The following RALGAPA2 variants were observed in gnomAD, a reference collection of about 807,000 sequenced individuals.
RALGAPA2 encodes the protein Ral GTPase activating protein catalytic subunit alpha 2.
A neutral mutation model predicts 230.4 loss-of-function variants in RALGAPA2; 139 were observed. The observed-to-expected ratio is 0.60, with a 90% CI of 0.53 to 0.69. The LOEUF (loss-of-function observed/expected upper bound fraction) is 0.69, where lower values mean the gene tolerates loss of function less well. Ranked by LOEUF, RALGAPA2 falls within the 30% of genes least tolerant of loss-of-function variation. The pLI is 0.00. For synonymous variants in RALGAPA2, 847 were observed against 837.8 expected, an observed-to-expected ratio of 1.01 and a Z score of -0.19; for missense variants, 2,163 against 2,276.0, an observed-to-expected ratio of 0.95 and a Z score of 1.01.
At chr20:20,513,607 C>A (rs545391782) in intron 31 of RALGAPA2, among the ~76,000 whole-genome samples, 1 of 152,254 alleles carries the variant, frequency 6.6e-6, no homozygotes, top group South Asian at 2.1e-4. Context: ...GAAACAGTCT[C>A]TCTCTGTAAT....
At position 20,511,673 on chromosome 20, in the gene RALGAPA2, A is replaced by G. The variant is rs537492395; in HGVS notation, c.4857-348T>C. On this transcript the variant is annotated intron_variant, in intron 32 of 39. Coordinates refer to ENST00000202677, the MANE Select transcript of RALGAPA2 (RefSeq NM_020343.4). ...AAACTCCACTCCACTATCAGGGTCCAGCTCAAATCCTCCCCTTTCCACAAA... is the reference window on the plus strand; with the variant it reads ...AAACTCCACTCCACTATCAGGGTCCGGCTCAAATCCTCCCCTTTCCACAAA... Among the ~76,000 whole-genome samples the G allele has an allele frequency of 3.9e-5, 6 of 152,290 alleles. No individual in the cohort carries two copies. In the South Asian group the frequency reaches 8.3e-4, roughly 21 times the overall value.
At chr20:20,456,721 G>C (rs1602418916) in intron 37 of RALGAPA2, among the ~76,000 whole-genome samples, 1 of 152,250 alleles carries the variant, frequency 6.6e-6, no homozygotes, top group Admixed American at 6.5e-5. Context: ...GGTGCCAGAT[G>C]TAAGAGACCC....
In RALGAPA2 at chr20:20,560,013, A is replaced by C. The variant is rs550536526; in HGVS notation, c.3156+11445T>G. ...GATCATTTGAAATTCTCAAGTGCTA[A>C]CTGGGTTGAAGGTACCATGTTAGTT... On this transcript the variant is annotated intron_variant, in intron 23 of 39. Transcript: ENST00000202677. Among the ~76,000 whole-genome samples the C allele has an allele frequency of 1.7e-3, 261 of 152,338 alleles. 1 individual carries two copies. The highest frequency in any genetic ancestry group is 6.0e-3 in the African/African-American group (251 of 41,578).
intron 37 of RALGAPA2, among the ~76,000 whole-genome samples, chr20:20,458,650 C>T (rs1332594812): frequency 7.4e-4 from 100 of 135,740 alleles, no homozygotes; most frequent in East Asian, 2.1e-4. Flanking sequence ...GAGCAAGGGG[C>T]TGGCAGTAGA....
At chr20:20,467,931 G>A (rs1233589064) in intron 37 of RALGAPA2, among the ~76,000 whole-genome samples, 1 of 151,976 alleles carries the variant, frequency 6.6e-6, no homozygotes, top group Non-Finnish European at 1.5e-5. Context: ...CCCACCCAGG[G>A]GAATATGCTA....
Position 20,521,000 on chromosome 20 carries a change from A to C in RALGAPA2, c.4001T>G (p.Leu1334Arg). The C allele has an allele frequency of 5.0e-6, 8 of 1,613,954 alleles. No homozygotes were observed. Among genetic ancestry groups the C allele is most frequent in the Non-Finnish European group, 6.8e-6 (8 of 1,179,836 alleles). Residue 1334 changes from leucine to arginine, a missense_variant, in exon 31 of 40, where the codon CTG becomes CGG. Leu to Arg is a moderately radical substitution (Grantham distance 102, BLOSUM62 -2). Coordinates refer to ENST00000202677, the MANE Select transcript of RALGAPA2 (RefSeq NM_020343.4). The part of the protein sequence containing the change: ...DLSSTDYDPF[L>R]PLANVKSSEP... ...AGAGCTCTTCACATTTGCCAGTGGCAGGAAGGGGTCATAATCCGTGGATGA... is the reference window on the plus strand; with the variant it reads ...AGAGCTCTTCACATTTGCCAGTGGCCGGAAGGGGTCATAATCCGTGGATGA...
At chr20:20,663,066 T>C (rs1205626060) in intron 3 of RALGAPA2, among the ~76,000 whole-genome samples, 2 of 152,166 alleles carry the variant, frequency 1.3e-5, no homozygotes, top group East Asian at 1.9e-4. Context: ...ACTTTTGTCC[T>C]GAAGGCAATG....
In RALGAPA2 at chr20:20,629,419, G is replaced by C; in HGVS notation, c.1177C>G (p.Arg393Gly). The change falls in exon 10 of 40, where the codon CGG becomes GGG. Residue 393 changes from arginine to glycine, a missense_variant. Coordinates refer to ENST00000202677, the MANE Select transcript of RALGAPA2 (RefSeq NM_020343.4). Reference protein sequence around the residue: ...EHRMVYEMVQRILLSTRGYVN... With the variant: ...EHRMVYEMVQGILLSTRGYVN... ...TAACCTCGTGTTGACAAGAGAATCCGCTGTACCATTTCATACACCATTCGG... is the reference window on the plus strand; with the variant it reads ...TAACCTCGTGTTGACAAGAGAATCCCCTGTACCATTTCATACACCATTCGG... The C allele has an allele frequency of 3.1e-6, 5 of 1,613,396 alleles. No homozygotes were observed. The South Asian group carries it at 4.4e-5, about 14-fold the overall frequency.
chr20:20,427,476 CCT>C (rs897615986), intron 37 of RALGAPA2, among the ~76,000 whole-genome samples: 4 of 151,892 alleles, frequency 2.6e-5, no homozygotes, highest in African/African-American at 7.3e-5. Flanking sequence ...TGTCTCTTCC[CCT>C]GTCACTCATC....
At chr20:20,436,201 A>G (rs2060609009) in intron 37 of RALGAPA2, among the ~76,000 whole-genome samples, 1 of 152,164 alleles carries the variant, frequency 6.6e-6, no homozygotes, top group Admixed American at 6.5e-5. Context: ...TCCTCAGGAA[A>G]TACAGCAGCC....
At chr20:20,473,625 T>G (rs1026213512) in intron 36 of RALGAPA2, among the ~76,000 whole-genome samples, 1 of 152,132 alleles carries the variant, frequency 6.6e-6, no homozygotes, top group Non-Finnish European at 1.5e-5. Context: ...GGGATTACAG[T>G]TGCACCACCA....
intron 27 of RALGAPA2, among the ~76,000 whole-genome samples, chr20:20,530,298 T>C (rs1485443194): frequency 6.6e-6 from 1 of 152,340 alleles, no homozygotes; most frequent in Admixed American, 6.5e-5. Context: ...CACCCTGCTG[T>C]GGCTGGAGGG....
chr20:20,500,615 T>TA (rs1351543776), intron 35 of RALGAPA2, among the ~76,000 whole-genome samples: 2 of 152,242 alleles, frequency 1.3e-5, no homozygotes, highest in African/African-American at 4.8e-5. Flanking sequence ...TTGAATCTTT[T>TA]AAAGTCATCC....
chr20:20,598,920 G>T, intron 16 of RALGAPA2: 2 of 352,060 alleles, frequency 5.7e-6, no homozygotes, highest in East Asian at 7.6e-5. Context: ...TTTAAAGGAG[G>T]TCATTTAAAC....
At chr20:20,405,963 C>G (rs563280863) in intron 38 of RALGAPA2, among the ~76,000 whole-genome samples, 1 of 152,300 alleles carries the variant, frequency 6.6e-6, no homozygotes, top group South Asian at 2.1e-4. Context: ...GGAAAGAAAT[C>G]CCATGTACCA....
chr20:20,429,274 G>A (rs1387937366), intron 37 of RALGAPA2, among the ~76,000 whole-genome samples: 1 of 152,194 alleles, frequency 6.6e-6, no homozygotes, highest in Non-Finnish European at 1.5e-5. Context: ...TGCTGTCTCA[G>A]TTTAATCTTT....
intron 15 of RALGAPA2, among the ~76,000 whole-genome samples, chr20:20,602,888 T>A (rs2065701753): frequency 6.6e-6 from 1 of 151,924 alleles, no homozygotes. Flanking sequence ...TTACAACAAT[T>A]GAAGGTAGGT....
chr20:20,677,628 C>CTTTTTTT (rs1568741580), intron 2 of RALGAPA2, among the ~76,000 whole-genome samples: 7 of 121,838 alleles, frequency 5.7e-5, no homozygotes, highest in South Asian at 2.7e-4. Flanking sequence ...TGATTTGACC[C>CTTTTTTT]ATTTTTTTTT....
intron 3 of RALGAPA2, among the ~76,000 whole-genome samples, chr20:20,664,663 GC>G (rs2067898241): frequency 6.6e-6 from 1 of 152,090 alleles, no homozygotes; most frequent in Non-Finnish European, 1.5e-5. Context: ...TTTGGTACTA[GC>G]ACTAGTTGGC....
Sources: allele counts gnomAD v4.1 joint callset (sites outside exome capture counted in the v4.1 genomes callset), GRCh38; gene constraint gnomAD v4.1.1; transcripts MANE v1.5; gene names NCBI Gene and HGNC (gene_info 2026-07-23, HGNC 2026-07-21).